IP6K2: variants seen among roughly 807,000 people sequenced by gnomAD.
The protein encoded by IP6K2 is inositol hexakisphosphate kinase 2.
Under a neutral mutation model 43.3 loss-of-function variants are expected in IP6K2, and 9 were observed. That is an observed-to-expected ratio of 0.21 (90% CI 0.13 to 0.36). The LOEUF is 0.36. IP6K2 is among the 10% of genes least tolerant of loss of function. IP6K2 has a pLI of 1.00. For missense variants in IP6K2, 332 were observed against 538.4 expected (o/e 0.62, Z 3.79); for synonymous variants, 209 against 202.4 (o/e 1.03, Z -0.28).
At chr3:48,694,547 G>T (rs760054255) in intron 2 of IP6K2, 3 of 1,521,058 alleles carry the variant, frequency 2.0e-6, no homozygotes, top group South Asian at 2.6e-5. Context: ...ATTATAAAAA[G>T]AAATAAAAAA....
At chr3:48,690,894 G>A (rs2077724816) in intron 4 of IP6K2, among the ~76,000 whole-genome samples, 1 of 152,038 alleles carries the variant, frequency 6.6e-6, no homozygotes, top group South Asian at 2.1e-4. Flanking sequence ...GTGGTCTGGT[G>A]AACCAGGACT....
chr3:48,693,995 G>C, intron 2 of IP6K2: 2 of 1,392,204 alleles, frequency 1.4e-6, no homozygotes, highest in South Asian at 1.7e-5. Context: ...CCTTACAAAC[G>C]ACTGGCTGAA....
rs2077979498 is a variant in IP6K2, at chr3:48,693,459, T to C, written c.203-280A>G. On this transcript the variant is annotated intron_variant, in intron 2 of 5. Coordinates refer to ENST00000328631, the MANE Select transcript of IP6K2 (RefSeq NM_016291.4). ...AATTACAAGACACATTTTTCCATCA[T>C]TGAAAATGTTTATTAATTTTTATGT... is the stretch of plus-strand genomic sequence containing the variant. 4 of 1,359,768 alleles carry C rather than the reference T, an allele frequency of 2.9e-6. No homozygotes were observed. The South Asian group carries it at 4.4e-5, about 15-fold the overall frequency. The allele number at this position is 1,359,768 out of a possible 1,614,324, so 84.2% of individuals were successfully genotyped here. A position where few individuals can be genotyped will look rare whatever the true frequency, so the allele number is the denominator to read the frequency against.
chr3:48,694,542 A>G, intron 2 of IP6K2: 1 of 1,521,422 alleles, frequency 6.6e-7, no homozygotes, highest in Non-Finnish European at 8.8e-7. Flanking sequence ...AATACATTAT[A>G]AAAAGAAATA....
chr3:48,711,036 G>A (rs1345816080), intron 1 of IP6K2, among the ~76,000 whole-genome samples: 1 of 152,130 alleles, frequency 6.6e-6, no homozygotes, highest in East Asian at 1.9e-4. Context: ...AGCCTCCCAA[G>A]TAGCTGGGAC....
chr3:48,694,089 A>G, intron 2 of IP6K2: 1 of 1,474,958 alleles, frequency 6.8e-7, no homozygotes. Context: ...GTGCTCAGAG[A>G]GAGATGACAC....
Position 48,688,561 on chromosome 3 carries a change from C to G in IP6K2, c.993G>C (p.Leu331=). The G allele has an allele frequency of 1.2e-6, 2 of 1,614,244 alleles. No homozygotes were observed. The highest frequency in any genetic ancestry group is 1.7e-6 in the Non-Finnish European group (2 of 1,180,052). Residue 331 remains leucine (L), a synonymous_variant, in exon 6 of 6, where the codon CTG becomes CTC. Transcript: ENST00000328631. This position sits in a 1 kb window ranked among gnomAD's most constrained non-coding sequence, Gnocchi z 5.1. ...QESYRFYSSS[L]LVIYDGKERP... ...GCTCCTTGCCATCATAAATGACCAGCAGGGAGCTTGAGTAGAAGCGGTAGG... is the reference window on the plus strand; with the variant it reads ...GCTCCTTGCCATCATAAATGACCAGGAGGGAGCTTGAGTAGAAGCGGTAGG...
chr3:48,716,366 G>C (rs1480978784), intron 1 of IP6K2: 1 of 152,130 alleles, frequency 6.6e-6, no homozygotes, highest in Non-Finnish European at 1.5e-5. Flanking sequence ...GCAGTGACTA[G>C]TTCTGTTTTC....
chr3:48,690,647 G>C (rs532687906), intron 4 of IP6K2, among the ~76,000 whole-genome samples: 15 of 152,258 alleles, frequency 9.9e-5, no homozygotes, highest in African/African-American at 3.6e-4. Context: ...AAATGAGCCA[G>C]GCGTGGTAGC....
At chr3:48,704,565 C>T (rs1221665877) in intron 1 of IP6K2, among the ~76,000 whole-genome samples, 2 of 151,760 alleles carry the variant, frequency 1.3e-5, no homozygotes, top group African/African-American at 4.8e-5. Context: ...TCCACCCAGG[C>T]TCAAGTGATC....
chr3:48,695,600 G>T lies in IP6K2; in HGVS notation c.-130-179C>A, dbSNP rs1028653500. The T allele has an allele frequency of 9.3e-5, 69 of 741,754 alleles. No individual in the cohort carries two copies. Among genetic ancestry groups the T allele is most frequent in the Non-Finnish European group, 1.2e-4 (64 of 532,620 alleles). The allele number at this position is 741,754 out of a possible 1,614,324, so 45.9% of individuals were successfully genotyped here. A position where few individuals can be genotyped will look rare whatever the true frequency, so the allele number is the denominator to read the frequency against. On this transcript the variant is annotated intron_variant, in intron 1 of 5. Coordinates refer to ENST00000328631, the MANE Select transcript of IP6K2 (RefSeq NM_016291.4). This position sits in a 1 kb window ranked among gnomAD's most constrained non-coding sequence, Gnocchi z 4.6. Reference sequence around the variant, plus strand: ...TCCGGCAGAAAAACAAAAACACTATGAGCTCATGGGGCGGGGTTAGATGCA... The same window carrying T: ...TCCGGCAGAAAAACAAAAACACTATTAGCTCATGGGGCGGGGTTAGATGCA...
intron 1 of IP6K2, among the ~76,000 whole-genome samples, chr3:48,697,030 T>TC (rs1178504402): frequency 1.3e-5 from 2 of 150,648 alleles, no homozygotes; most frequent in East Asian, 3.9e-4. Flanking sequence ...ACTTTTTTTT[T>TC]TTTTTTTGGA....
intron 2 of IP6K2, chr3:48,694,765 A>G: frequency 1.7e-5 from 26 of 1,527,500 alleles, no homozygotes; most frequent in Non-Finnish European, 2.2e-5. Context: ...AAATCCTCCC[A>G]AAGTCTTCCC....
Position 48,693,190 on chromosome 3 carries a change from G to A in IP6K2, c.203-11C>T, listed in dbSNP as rs1234796546. 5 of 1,600,460 alleles carry A rather than the reference G, an allele frequency of 3.1e-6. No homozygotes were observed. Among genetic ancestry groups the A allele is most frequent in the African/African-American group, 1.3e-5 (1 of 74,556 alleles). On this transcript the variant is annotated splice_polypyrimidine_tract_variant and intron_variant, in intron 2 of 5. Coordinates refer to ENST00000328631, the MANE Select transcript of IP6K2 (RefSeq NM_016291.4). ...GCACAGATACCACACCTGGAAGGGGGTGAGGAGCAGAAAGAACTTTTAATT... is the reference window on the plus strand; with the variant it reads ...GCACAGATACCACACCTGGAAGGGGATGAGGAGCAGAAAGAACTTTTAATT...
chr3:48,715,842 G>A (rs1046972169), intron 1 of IP6K2, among the ~76,000 whole-genome samples: 3 of 150,008 alleles, frequency 2.0e-5, no homozygotes, highest in Non-Finnish European at 4.4e-5. Flanking sequence ...CACAAAGCAG[G>A]TAAATCTATC....
intron 1 of IP6K2, among the ~76,000 whole-genome samples, chr3:48,712,800 T>G (rs2107082620): frequency 6.6e-6 from 1 of 151,920 alleles, no homozygotes; most frequent in East Asian, 2.0e-4. Flanking sequence ...GCGGATCACT[T>G]GAGGTCAGGA....
At chr3:48,693,987 T>TAGGTG in intron 2 of IP6K2, 1 of 1,374,846 alleles carries the variant, frequency 7.3e-7, no homozygotes, top group Non-Finnish European at 9.4e-7. Flanking sequence ...GACGAGCGCC[T>TAGGTG]TACAAACGAC....
intron 1 of IP6K2, among the ~76,000 whole-genome samples, chr3:48,700,465 A>G (rs1251154567): frequency 6.6e-6 from 1 of 152,172 alleles, no homozygotes; most frequent in African/African-American, 2.4e-5. Flanking sequence ...ACAGGAAATA[A>G]CTGCAAAATA....
chr3:48,712,025 G>A (rs894407400), intron 1 of IP6K2, among the ~76,000 whole-genome samples: 3 of 152,146 alleles, frequency 2.0e-5, no homozygotes, highest in African/African-American at 2.4e-5. Flanking sequence ...ATGGGCATCA[G>A]AGTGAAAGTG....
Sources: gnomAD v4.1 joint callset for allele counts (sites outside exome capture counted in the v4.1 genomes callset) on GRCh38, gnomAD v4.1.1 for gene constraint, Gnocchi (gnomAD v3.1) non-coding constraint, MANE v1.5 for transcripts, NCBI Gene and HGNC (gene_info 2026-07-23, HGNC 2026-07-21) for gene names.